The following CASK variants were observed in gnomAD, a reference collection of about 807,000 sequenced individuals.
CASK encodes the protein calcium/calmodulin dependent serine protein kinase.
CASK carries 4 observed loss-of-function variants against 82.9 expected under a neutral mutation model. The ratio of observed to expected loss-of-function variants is 0.05; its 90% CI spans 0.02 to 0.11. CASK has a LOEUF of 0.11. Ranked by LOEUF, CASK falls within the 10% of genes least tolerant of loss-of-function variation. The pLI, the probability that CASK is intolerant of heterozygous loss-of-function variation, is 1.00. For missense variants in CASK, 358 were observed against 720.9 expected (o/e 0.50, Z 5.76); for synonymous variants, 259 against 253.5 (o/e 1.02, Z -0.20).
At chrX:41,789,710 C>T (rs2069679037) in intron 2 of CASK, among the ~76,000 whole-genome samples, 1 of 111,230 alleles carries the variant, frequency 9.0e-6, no homozygotes, top group Admixed American at 9.6e-5. Context: ...TTATCTCTAG[C>T]TTCCCATTTT....
chrX:41,717,092 C>G (rs1250008137), intron 5 of CASK, among the ~76,000 whole-genome samples: 1 of 110,777 alleles, frequency 9.0e-6, no homozygotes, highest in African/African-American at 3.3e-5. Context: ...CAGTGTAACC[C>G]CCTCCCTGCA....
chrX:41,604,032 C>A (rs1219221887), intron 12 of CASK, among the ~76,000 whole-genome samples: 1 of 110,857 alleles, frequency 9.0e-6, no homozygotes, highest in Non-Finnish European at 1.9e-5. Flanking sequence ...GTATCACATA[C>A]AAATTCCAAT....
At chrX:41,727,881 T>G (rs1209909417) in intron 5 of CASK, 2 of 1,203,076 alleles carry the variant, frequency 1.7e-6, no homozygotes, top group Non-Finnish European at 2.2e-6. Flanking sequence ...AGCAATTGAA[T>G]TATTTAATAG....
intron 2 of CASK, among the ~76,000 whole-genome samples, chrX:41,807,710 C>T (rs374410240): frequency 9.0e-6 from 1 of 111,079 alleles, no homozygotes; most frequent in East Asian, 2.8e-4. Context: ...CAACCAAGCA[C>T]AAGACATAGA....
intron 5 of CASK, among the ~76,000 whole-genome samples, chrX:41,691,821 A>G (rs747027596): frequency 9.3e-4 from 79 of 85,251 alleles, no homozygotes; most frequent in Middle Eastern, 6.5e-3. Context: ...AGCCTGGGTG[A>G]CAGAGTGAGA....
At chrX:41,866,267 G>A (rs1020549207) in intron 1 of CASK, among the ~76,000 whole-genome samples, 3 of 112,423 alleles carry the variant, frequency 2.7e-5, no homozygotes, top group Non-Finnish European at 5.6e-5. Context: ...GAAACAGTGG[G>A]GATGAGCACT....
chrX:41,567,722 A>ATGGCAATTACATT (rs1418581849), intron 16 of CASK, among the ~76,000 whole-genome samples: 1 of 111,861 alleles, frequency 8.9e-6, no homozygotes, highest in Non-Finnish European at 1.9e-5. Flanking sequence ...CATTTGACCC[A>ATGGCAATTACATT]GCCATGTCAT....
chrX:41,592,447 G>C (rs1458894949), intron 12 of CASK, among the ~76,000 whole-genome samples: 1 of 110,702 alleles, frequency 9.0e-6, no homozygotes, highest in Non-Finnish European at 1.9e-5. Flanking sequence ...TTCTCACAAA[G>C]AAAAAATAAT....
intron 18 of CASK, chrX:41,558,885 T>C (rs2065191586): frequency 8.9e-6 from 1 of 111,933 alleles, no homozygotes; most frequent in African/African-American, 3.2e-5. Flanking sequence ...CTCTCTCAGG[T>C]TCTCCTAAGT....
chrX:41,693,755 C>CT (rs2067625213), intron 5 of CASK, among the ~76,000 whole-genome samples: 1 of 111,841 alleles, frequency 8.9e-6, no homozygotes, highest in South Asian at 3.8e-4. Context: ...TCCTTCCCCG[C>CT]TCCCTTCCTT....
chrX:41,676,363 G>A, intron 5 of CASK: 1 of 1,199,300 alleles, frequency 8.3e-7, no homozygotes, highest in Non-Finnish European at 1.1e-6. Flanking sequence ...AAGCAACTGA[G>A]AGAAGATTCC....
At chrX:41,806,563 C>T (rs527371928) in intron 2 of CASK, among the ~76,000 whole-genome samples, 70 of 112,026 alleles carry the variant, frequency 6.2e-4, no homozygotes, top group East Asian at 3.9e-3. Flanking sequence ...ATGCACTACC[C>T]GTGACAGATG....
At chrX:41,770,313 TATCC>T (rs772189964) in intron 3 of CASK, among the ~76,000 whole-genome samples, 2,967 of 95,497 alleles carry the variant, frequency 0.031, 53 homozygotes, top group Non-Finnish European at 0.04. Flanking sequence ...CCTACCTACC[TATCC>T]ATCCATCCAT....
chrX:41,652,924 T>G (rs1293391557), intron 8 of CASK, among the ~76,000 whole-genome samples: 1 of 112,093 alleles, frequency 8.9e-6, no homozygotes, highest in Non-Finnish European at 1.9e-5. Context: ...CCAGTCAGTC[T>G]GACATTCTGG....
chrX:41,554,673 G>A (rs1464496847), intron 20 of CASK, among the ~76,000 whole-genome samples: 1 of 111,356 alleles, frequency 9.0e-6, no homozygotes, highest in African/African-American at 3.3e-5. Context: ...GCATTCAAGG[G>A]TTTATTATAT....
Position 41,727,425 on chromosome X carries a change from C to T in CASK, c.429+11959G>A, listed in dbSNP as rs148728451. 239 of 1,209,208 alleles carry T rather than the reference C, an allele frequency of 2.0e-4. No individual in the cohort carries two copies. Among genetic ancestry groups the T allele is most frequent in the Non-Finnish European group, 2.6e-4 (233 of 894,239 alleles). On this transcript the variant is annotated intron_variant, in intron 5 of 26. Transcript: ENST00000378163. ...ATTCCTCGCAAGAGACTACTTCATG[C>T]TATGAGAAAATATTTTATGGCCATT... is the stretch of plus-strand genomic sequence containing the variant.
chrX:41,715,929 A>G (rs1322891796), intron 5 of CASK, among the ~76,000 whole-genome samples: 1 of 112,261 alleles, frequency 8.9e-6, no homozygotes, highest in African/African-American at 3.2e-5. Flanking sequence ...TAGCCCTGGG[A>G]GGCCACAAAT....
intron 2 of CASK, among the ~76,000 whole-genome samples, chrX:41,830,388 A>G (rs1214668983): frequency 9.0e-6 from 1 of 111,301 alleles, no homozygotes; most frequent in Non-Finnish European, 1.9e-5. Context: ...GAGGATACCT[A>G]AACATCTTCC....
chrX:41,629,580 G>T (rs1056163203), intron 9 of CASK, among the ~76,000 whole-genome samples: 7 of 111,484 alleles, frequency 6.3e-5, no homozygotes, highest in Non-Finnish European at 1.3e-4. Context: ...TATACTAGGG[G>T]TCAGCAATTT....
Sources: allele counts gnomAD v4.1 joint callset (sites outside exome capture counted in the v4.1 genomes callset), GRCh38; gene constraint gnomAD v4.1.1; transcripts MANE v1.5; gene names NCBI Gene and HGNC (gene_info 2026-07-23, HGNC 2026-07-21).